VCL: variants seen among roughly 807,000 people sequenced by gnomAD.
VCL encodes the protein epididymis luminal protein 114.
VCL carries 47 observed loss-of-function variants against 125.7 expected under a neutral mutation model. The observed-to-expected ratio is 0.37, with a 90% confidence interval of 0.30 to 0.48. The LOEUF is 0.48. Among genes scored for constraint, VCL ranks in the 20% least tolerant of loss-of-function variants. VCL has a pLI of 0.99. For missense variants in VCL, 1,069 were observed against 1,455.5 expected (o/e 0.73, Z 4.32); for synonymous variants, 458 against 514.6 (o/e 0.89, Z 1.49).
At chr10:73,998,794 T>C (rs1591642184) in intron 1 of VCL, among the ~76,000 whole-genome samples, 1 of 152,220 alleles carries the variant, frequency 6.6e-6, no homozygotes, top group Non-Finnish European at 1.5e-5. Context: ...CTCCTCGATC[T>C]GGCTGTGCGG....
At chr10:74,072,958 T>C (rs1839512003) in intron 5 of VCL, 106 bp downstream of exon 5, 59 of 1,484,066 alleles carry the variant, frequency 4.0e-5, no homozygotes, top group Non-Finnish European at 2.9e-5. Flanking sequence ...TTTTTTTTTT[T>C]TGAGATGAAG....
Position 74,017,613 on chromosome 10 carries a change from T to C in VCL, c.168+19238T>C, listed in dbSNP as rs112825885. The stretch of plus-strand genomic sequence containing the variant: ...TGTTGCCCAGGCTGGAGTGCAGTGG[T>C]ATGATCTCAGCTCACTACAACCTCA... On this transcript the variant is annotated intron_variant, in intron 1 of 21. Transcript: ENST00000211998. Among the ~76,000 whole-genome samples the C allele has an allele frequency of 4.6e-4, 70 of 150,730 alleles. 3 individuals carry two copies. Among genetic ancestry groups the C allele is most frequent in the African/African-American group, 1.4e-3 (58 of 40,980 alleles).
intron 2 of VCL, among the ~76,000 whole-genome samples, chr10:74,057,185 TC>T (rs1280648892): frequency 6.6e-6 from 1 of 151,974 alleles, no homozygotes; most frequent in East Asian, 1.9e-4. Flanking sequence ...GCTCAAGCAA[TC>T]CTCCCACCTC....
intron 12 of VCL, 135 bp downstream of exon 12, chr10:74,095,990 T>C: frequency 9.0e-7 from 1 of 1,111,308 alleles, no homozygotes. Context: ...ACCAAAGATA[T>C]AAGGAAATCT....
Position 74,081,660 on chromosome 10 carries a change from C to T in VCL, c.784-794C>T, listed in dbSNP as rs188735278. Among the ~76,000 whole-genome samples the T allele has an allele frequency of 2.5e-3, 381 of 152,260 alleles. 2 individuals are homozygous for T. Among genetic ancestry groups the T allele is most frequent in the Admixed American group, 5.2e-3 (79 of 15,292 alleles). ...AAAAATTTACGGAAATACTTAAATA[C>T]ATTTAAAGTGATTAGTCTGTTGTTT... is the stretch of plus-strand genomic sequence containing the variant. On this transcript the variant is annotated intron_variant, in intron 6 of 21. Coordinates refer to ENST00000211998, the MANE Select transcript of VCL (RefSeq NM_014000.3).
chr10:74,111,589 G>A (rs1381898538), intron 18 of VCL, among the ~76,000 whole-genome samples: 1 of 152,170 alleles, frequency 6.6e-6, no homozygotes, highest in African/African-American at 2.4e-5. Flanking sequence ...AATCACTCTT[G>A]TCAAGTTTGA....
intron 1 of VCL, among the ~76,000 whole-genome samples, chr10:74,020,503 G>C (rs1840640013): frequency 1.3e-5 from 2 of 152,066 alleles, no homozygotes; most frequent in South Asian, 4.1e-4. Flanking sequence ...TAATGACTCT[G>C]ATATGTATTC....
At position 74,097,763 on chromosome 10, in the gene VCL, A is replaced by G. The variant is rs910752158; in HGVS notation, c.1872+431A>G. Among the ~76,000 whole-genome samples, 2 of 152,132 alleles carry G rather than the reference A, an allele frequency of 1.3e-5. No homozygotes were observed. Among genetic ancestry groups the G allele is most frequent in the African/African-American group, 2.4e-5 (1 of 41,422 alleles). ...TCACAACTGTGCCTTTCGAGTCAGGATGATCTTTTTAAATCAATCGATGTC... is the reference window on the plus strand; with the variant it reads ...TCACAACTGTGCCTTTCGAGTCAGGGTGATCTTTTTAAATCAATCGATGTC... On this transcript the variant is annotated intron_variant, in intron 13 of 21. Coordinates refer to ENST00000211998, the MANE Select transcript of VCL (RefSeq NM_014000.3). This position sits in a 1 kb window ranked among gnomAD's most constrained non-coding sequence, Gnocchi z 4.1.
chr10:74,027,024 A>T (rs1840783691), intron 1 of VCL, among the ~76,000 whole-genome samples: 1 of 152,240 alleles, frequency 6.6e-6, no homozygotes, highest in Non-Finnish European at 1.5e-5. Flanking sequence ...ACATTTGTGA[A>T]CTGAAACTAT....
intron 1 of VCL, 105 bp from the exon 2 acceptor site, chr10:74,042,976 CTT>C (rs1841123017): frequency 1.7e-6 from 2 of 1,176,818 alleles, no homozygotes; most frequent in Non-Finnish European, 2.4e-6. Flanking sequence ...AATCTAGAAA[CTT>C]TAATGATAGA....
intron 1 of VCL, among the ~76,000 whole-genome samples, chr10:74,010,334 T>A (rs780354932): frequency 5.9e-5 from 9 of 152,226 alleles, no homozygotes; most frequent in Non-Finnish European, 1.0e-4. Context: ...ATTTTAGTTT[T>A]CATATTGCAT....
chr10:74,041,311 A>T (rs1467795694), intron 1 of VCL, among the ~76,000 whole-genome samples: 1 of 152,098 alleles, frequency 6.6e-6, no homozygotes, highest in Non-Finnish European at 1.5e-5. Flanking sequence ...AGGTGGCTTT[A>T]TATTGTTAAA....
chr10:74,035,204 CAT>C (rs1008485863), intron 1 of VCL, among the ~76,000 whole-genome samples: 5 of 151,088 alleles, frequency 3.3e-5, no homozygotes, highest in African/African-American at 1.2e-4. Context: ...TCTACATTAA[CAT>C]ATTTTTTAGT....
chr10:74,108,502 T>TG (rs1388783294), intron 17 of VCL, among the ~76,000 whole-genome samples: 1 of 151,880 alleles, frequency 6.6e-6, no homozygotes, highest in Non-Finnish European at 1.5e-5. Context: ...TGTTTTGAGA[T>TG]GGAGTCTTGC....
chr10:74,105,417 G>A, intron 16 of VCL, 64 bp downstream of exon 16: 1 of 1,600,006 alleles, frequency 6.2e-7, no homozygotes, highest in African/African-American at 1.3e-5. Flanking sequence ...AGGTCGTGAG[G>A]GAATATGTAC....
intron 1 of VCL, among the ~76,000 whole-genome samples, chr10:74,034,576 C>T (rs1027713191): frequency 2.4e-4 from 36 of 152,320 alleles, no homozygotes; most frequent in African/African-American, 5.8e-4. Context: ...CATTTGTCAA[C>T]GAACAACAAG....
At position 74,101,097 on chromosome 10, in the gene VCL, G is replaced by A. The variant is rs772952515; in HGVS notation, c.2022G>A (p.Gln674=). Residue 674 remains glutamine, a splice_region_variant and synonymous_variant, in exon 14 of 22, where the codon CAG becomes CAA. Transcript: ENST00000211998. ...SVKTARELTP[Q]VVSAARILLR... ...AGACGGCCCGAGAACTCACACCCCA[G>A]GTTGGGTTTTGCTCATTCCTCATAC... is the stretch of plus-strand genomic sequence containing the variant. 1.2e-6 allele frequency: 2 copies of A among 1,612,826 alleles called. No homozygotes were observed. The highest frequency in any genetic ancestry group is 1.7e-5 in the Admixed American group (1 of 59,886).
intron 1 of VCL, among the ~76,000 whole-genome samples, chr10:74,033,017 A>G (rs1219092396): frequency 6.6e-6 from 1 of 152,166 alleles, no homozygotes; most frequent in Non-Finnish European, 1.5e-5. Context: ...TGACCCAGCA[A>G]TTGAATACCT....
At chr10:74,016,936 T>C (rs1840552443) in intron 1 of VCL, 1 of 152,132 alleles carries the variant, frequency 6.6e-6, no homozygotes, top group African/African-American at 2.4e-5. Flanking sequence ...TATGATATGC[T>C]CTATATAAGT....
Sources: gnomAD v4.1 joint callset for allele counts (sites outside exome capture counted in the v4.1 genomes callset) on GRCh38, gnomAD v4.1.1 for gene constraint, Gnocchi (gnomAD v3.1) non-coding constraint, MANE v1.5 for transcripts, NCBI Gene and HGNC (gene_info 2026-07-23, HGNC 2026-07-21) for gene names.